Variants in FBXL17 observed in about 807,000 individuals in gnomAD.
The protein encoded by FBXL17 is F-box and leucine rich repeat protein 17.
Under a neutral mutation model 66.2 loss-of-function variants are expected in FBXL17, and 22 were observed. The observed-to-expected ratio is 0.33, with a 90% CI of 0.24 to 0.47. The LOEUF is 0.47. FBXL17 is among the 20% of genes least tolerant of loss of function. The pLI, the probability that FBXL17 is intolerant of heterozygous loss-of-function variation, is 1.00. For missense variants in FBXL17, 878 were observed against 948.2 expected, an observed-to-expected ratio of 0.93 and a Z score of 0.97; for synonymous variants, 474 against 400.5, an observed-to-expected ratio of 1.18 and a Z score of -2.19.
intron 4 of FBXL17, among the ~76,000 whole-genome samples, chr5:108,241,894 T>A (rs1755869030): frequency 6.6e-6 from 1 of 152,186 alleles, no homozygotes; most frequent in African/African-American, 2.4e-5. Flanking sequence ...AAAAAACTTT[T>A]ATCCTAGAAT....
intron 6 of FBXL17, among the ~76,000 whole-genome samples, chr5:108,118,985 CT>C (rs1253974348): frequency 1.3e-5 from 2 of 151,978 alleles, no homozygotes; most frequent in African/African-American, 2.4e-5. Flanking sequence ...TACATATTTC[CT>C]TTTTTTTCTG....
chr5:108,333,039 T>A (rs549371807), intron 4 of FBXL17, among the ~76,000 whole-genome samples: 1 of 131,544 alleles, frequency 7.6e-6, no homozygotes, highest in Non-Finnish European at 1.5e-5. Flanking sequence ...AAAATAGATA[T>A]AAAATCTTAT....
intron 7 of FBXL17, among the ~76,000 whole-genome samples, chr5:107,967,186 G>A (rs1471716997): frequency 4.0e-5 from 6 of 151,412 alleles, no homozygotes; most frequent in African/African-American, 1.5e-4. Flanking sequence ...TTTGTACATC[G>A]TTTTAAATTG....
intron 8 of FBXL17, among the ~76,000 whole-genome samples, chr5:107,866,238 G>T (rs1229690639): frequency 2.9e-4 from 44 of 151,954 alleles, no homozygotes; most frequent in Non-Finnish European, 4.4e-5. Context: ...CACTGTCATT[G>T]GAAGAAATTA....
At chr5:108,263,245 G>C (rs1038177758) in intron 4 of FBXL17, among the ~76,000 whole-genome samples, 3 of 151,858 alleles carry the variant, frequency 2.0e-5, no homozygotes, top group Admixed American at 1.3e-4. Flanking sequence ...CTATCAACAC[G>C]ACTCAAACAC....
chr5:108,351,523 G>A (rs932688589), intron 3 of FBXL17, among the ~76,000 whole-genome samples: 2 of 152,128 alleles, frequency 1.3e-5, no homozygotes, highest in African/African-American at 4.8e-5. Flanking sequence ...CATACAGGGA[G>A]CAAGCAATCT....
chr5:108,182,911 G>A lies in FBXL17; in HGVS notation c.1745+3206C>T, dbSNP rs577942007. ...TATTTACTTAGATAACTCATACAAC[G>A]AAGTATAGACCGTATCTTATTTATC... On this transcript the variant is annotated intron_variant, in intron 6 of 8. Coordinates refer to ENST00000542267, the MANE Select transcript of FBXL17 (RefSeq NM_001163315.3). 1.3e-4 allele frequency among the ~76,000 whole-genome samples: 19 copies of A among 151,924 alleles called. No homozygotes were observed. In the East Asian group the frequency reaches 2.3e-3, roughly 19 times the overall value.
At chr5:107,888,342 C>T (rs1749042850) in intron 7 of FBXL17, among the ~76,000 whole-genome samples, 1 of 152,092 alleles carries the variant, frequency 6.6e-6, no homozygotes, top group Non-Finnish European at 1.5e-5. Flanking sequence ...TCAAGTGTCA[C>T]TCATTTTTCA....
chr5:108,043,915 A>T (rs1747145656), intron 6 of FBXL17, among the ~76,000 whole-genome samples: 1 of 152,140 alleles, frequency 6.6e-6, no homozygotes, highest in Non-Finnish European at 1.5e-5. Flanking sequence ...CAATCCCTAT[A>T]CAAGTTTTCA....
At chr5:108,314,860 G>C (rs1369824599) in intron 4 of FBXL17, among the ~76,000 whole-genome samples, 4 of 151,200 alleles carry the variant, frequency 2.6e-5, no homozygotes, top group African/African-American at 7.3e-5. Context: ...CTGCAGACTA[G>C]GTTAAGACAG....
At chr5:108,375,085 G>A (rs1426385576) in intron 1 of FBXL17, among the ~76,000 whole-genome samples, 1 of 152,130 alleles carries the variant, frequency 6.6e-6, no homozygotes, top group African/African-American at 2.4e-5. Flanking sequence ...CGAGCACAAT[G>A]GTTGACACCT....
chr5:107,897,465 G>T (rs1749421908), intron 7 of FBXL17, among the ~76,000 whole-genome samples: 1 of 152,032 alleles, frequency 6.6e-6, no homozygotes, highest in Non-Finnish European at 1.5e-5. Flanking sequence ...CCTTTTTCTG[G>T]ACTGGATCCT....
intron 7 of FBXL17, among the ~76,000 whole-genome samples, chr5:108,006,586 C>A (rs935693205): frequency 1.3e-5 from 2 of 152,210 alleles, no homozygotes; most frequent in African/African-American, 4.8e-5. Flanking sequence ...AAAGGAAGTA[C>A]TTACATTAGC....
chr5:107,924,060 GTTTTTT>G (rs34494908), intron 7 of FBXL17, among the ~76,000 whole-genome samples: 22 of 107,576 alleles, frequency 2.0e-4, no homozygotes, highest in African/African-American at 5.9e-4. Context: ...TGAGCTTAGT[GTTTTTT>G]TTTTTTTTTT....
chr5:108,295,381 CACTT>C (rs1320621518), intron 4 of FBXL17, among the ~76,000 whole-genome samples: 1 of 151,886 alleles, frequency 6.6e-6, no homozygotes, highest in Non-Finnish European at 1.5e-5. Flanking sequence ...TATATTAACA[CACTT>C]AATCCTCATA....
chr5:108,076,451 A>G (rs1260166314), intron 6 of FBXL17, among the ~76,000 whole-genome samples: 1 of 152,248 alleles, frequency 6.6e-6, no homozygotes, highest in Non-Finnish European at 1.5e-5. Flanking sequence ...TAATAAGTAT[A>G]TAAATTAAAA....
chr5:108,211,822 G>A (rs1043370132), intron 5 of FBXL17, among the ~76,000 whole-genome samples: 3 of 152,024 alleles, frequency 2.0e-5, no homozygotes, highest in Admixed American at 1.3e-4. Flanking sequence ...TGCCCTTCTC[G>A]AGGAGTATCT....
intron 6 of FBXL17, among the ~76,000 whole-genome samples, chr5:108,095,290 T>A (rs1186752425): frequency 6.6e-6 from 1 of 152,014 alleles, no homozygotes; most frequent in Non-Finnish European, 1.5e-5. Flanking sequence ...AATAAAGAAC[T>A]GAGAACAGAT....
intron 8 of FBXL17, among the ~76,000 whole-genome samples, chr5:107,868,947 C>A (rs1465217443): frequency 1.3e-5 from 2 of 152,240 alleles, no homozygotes; most frequent in African/African-American, 4.8e-5. Flanking sequence ...CCCCATCCAA[C>A]AAACTCAAGT....
Sources: gnomAD v4.1 joint callset for allele counts (sites outside exome capture counted in the v4.1 genomes callset) on GRCh38, gnomAD v4.1.1 for gene constraint, MANE v1.5 for transcripts, NCBI Gene and HGNC (gene_info 2026-07-23, HGNC 2026-07-21) for gene names.